Variants in ARHGEF1 observed in about 807,000 individuals in gnomAD.
The protein encoded by ARHGEF1 is Rho guanine nucleotide exchange factor 1.
ARHGEF1 carries 40 observed loss-of-function variants against 119.7 expected under a neutral mutation model. The observed-to-expected ratio is 0.33, with a 90% CI of 0.26 to 0.44. The LOEUF is 0.44. Ranked by LOEUF, ARHGEF1 falls within the 20% of genes least tolerant of loss-of-function variation. The pLI, the probability that ARHGEF1 is intolerant of heterozygous loss-of-function variation, is 1.00. For missense variants in ARHGEF1, 976 were observed against 1,268.3 expected, an observed-to-expected ratio of 0.77 and a Z score of 3.50; for synonymous variants, 494 against 521.0, an observed-to-expected ratio of 0.95 and a Z score of 0.71.
At chr19:41,900,608 A>C (rs1257466255) in intron 14 of ARHGEF1, among the ~76,000 whole-genome samples, 1 of 151,964 alleles carries the variant, frequency 6.6e-6, no homozygotes, top group Non-Finnish European at 1.5e-5. Flanking sequence ...CTTGATGGTT[A>C]GACACTAAAC....
intron 4 of ARHGEF1, 27 bp from the exon 5 acceptor site, chr19:41,891,998 G>A: frequency 6.4e-7 from 1 of 1,568,118 alleles, no homozygotes; most frequent in South Asian, 1.1e-5. Flanking sequence ...TGAGGGAGCG[G>A]AGAGTCATGC....
chr19:41,907,376 C>T lies in ARHGEF1; in HGVS notation c.*289C>T. 1 of 1,535,486 alleles carries T rather than the reference C, an allele frequency of 6.5e-7. No homozygotes were observed. The highest frequency in any genetic ancestry group is 8.7e-7 in the Non-Finnish European group (1 of 1,146,664). On this transcript the variant is annotated 3_prime_UTR_variant, in exon 29 of 29. Coordinates refer to ENST00000354532, the MANE Select transcript of ARHGEF1 (RefSeq NM_004706.4). ...GCCTGTGGGGGCCACCCCTCCACCC[C>T]CACCCCCAAGTGCCTTCGCTCTGTT...
chr19:41,928,543 C>T (rs1016019711), intron 1 of ARHGEF1: 15 of 166,160 alleles, frequency 9.0e-5, no homozygotes, highest in Non-Finnish European at 1.9e-4. Context: ...GCGCCGCGCG[C>T]CTCCCGCCCT....
chr19:41,900,227 G>A (rs937558477), intron 14 of ARHGEF1, among the ~76,000 whole-genome samples: 2 of 152,098 alleles, frequency 1.3e-5, no homozygotes, highest in African/African-American at 4.8e-5. Context: ...CCAGATACTC[G>A]AGAGAGTAAG....
At chr19:41,897,981 G>A (rs1555848243) in intron 13 of ARHGEF1, 22 of 1,324,736 alleles carry the variant, frequency 1.7e-5, no homozygotes, top group Admixed American at 1.1e-4. Context: ...GAGAGCCTGC[G>A]GGTGAGTGAC....
intron 13 of ARHGEF1, chr19:41,896,783 T>C (rs1599647496): frequency 2.0e-6 from 1 of 492,506 alleles, no homozygotes. Flanking sequence ...CCATCTCCTT[T>C]ATTTCCCCCT....
chr19:41,896,867 C>G (rs1474955587), intron 13 of ARHGEF1: 1 of 291,486 alleles, frequency 3.4e-6, no homozygotes, highest in Admixed American at 3.7e-5. Flanking sequence ...TCACCTACCC[C>G]CTCCTCTCAC....
chr19:41,905,546 C>T lies in ARHGEF1; in HGVS notation c.2337-214C>T, dbSNP rs1323822567. The T allele has an allele frequency of 4.8e-6, 3 of 618,986 alleles. No homozygotes were observed. Among genetic ancestry groups the T allele is most frequent in the Non-Finnish European group, 8.5e-6 (3 of 352,792 alleles). The allele number at this position is 618,986 out of a possible 1,614,324, so 38.3% of individuals were successfully genotyped here. A position where few individuals can be genotyped will look rare whatever the true frequency, so the allele number is the denominator to read the frequency against. On this transcript the variant is annotated intron_variant, in intron 24 of 28. Transcript: ENST00000354532. This position sits in a 1 kb window ranked among gnomAD's most constrained non-coding sequence, Gnocchi z 6.4. ...GTGCATGCATGTGTGTGTGTGTGCGCATGTGCCGACCCCACCACTGCCCCG... is the reference window on the plus strand; with the variant it reads ...GTGCATGCATGTGTGTGTGTGTGCGTATGTGCCGACCCCACCACTGCCCCG...
At chr19:41,918,506 A>T (rs1268973240), upstream of ARHGEF1, among the ~76,000 whole-genome samples, 1 of 148,960 alleles carries the variant, frequency 6.7e-6, no homozygotes, top group Non-Finnish European at 1.5e-5. Flanking sequence ...CATCACACAC[A>T]CACCACACAC....
rs2074640174 is a variant in ARHGEF1 at position 41,903,594 on chromosome 19, C to G, written c.1840-113C>G. 2.4e-6 allele frequency: 3 copies of G among 1,249,006 alleles called. No homozygotes were observed. Among genetic ancestry groups the G allele is most frequent in the East Asian group, 2.5e-5 (1 of 40,400 alleles). The allele number at this position is 1,249,006 out of a possible 1,614,324, so 77.4% of individuals were successfully genotyped here. On this transcript the variant is annotated intron_variant, in intron 19 of 28. Coordinates refer to ENST00000354532, the MANE Select transcript of ARHGEF1 (RefSeq NM_004706.4). The surrounding 1 kb of genome is among the most constrained non-coding windows in gnomAD (Gnocchi z 4.2). ...GGGTCATTGGAGGTCAGGCCCAACC[C>G]TCAGCTTGCCCGCATCAGAAGTTGG...
chr19:41,910,904 CA>C (rs2074747934), downstream of ARHGEF1, among the ~76,000 whole-genome samples: 1 of 152,066 alleles, frequency 6.6e-6, no homozygotes, highest in Non-Finnish European at 1.5e-5. The surrounding 1 kb of genome is among the most constrained non-coding windows in gnomAD (Gnocchi z 4.4). Context: ...GTCATCTCAA[CA>C]ACCCCACAGT....
intron 14 of ARHGEF1, among the ~76,000 whole-genome samples, chr19:41,899,505 CTTTTTTTT>C (rs575816890): frequency 2.0e-5 from 2 of 101,768 alleles, no homozygotes; most frequent in Non-Finnish European, 3.8e-5. Context: ...AAAGAGAAAG[CTTTTTTTT>C]TTTTTTTTTT....
chr19:41,894,108 G>A (rs1555846893), intron 8 of ARHGEF1, 99 bp from the exon 9 acceptor site: 2 of 815,594 alleles, frequency 2.5e-6, no homozygotes, highest in African/African-American at 1.8e-5. Context: ...TCTGCCTCTA[G>A]GGGGAGAGAG....
At chr19:41,907,499 A>C, downstream of ARHGEF1, 2 of 1,194,668 alleles carry the variant, frequency 1.7e-6, no homozygotes, top group Non-Finnish European at 2.3e-6. Flanking sequence ...GGCGTCTGGA[A>C]CTCTCTGTGA....
At position 41,888,873 on chromosome 19, in the gene ARHGEF1, C is replaced by T. The variant is rs1278045021; in HGVS notation, c.225+8C>T. On this transcript the variant is annotated splice_region_variant and intron_variant, in intron 4 of 28. Coordinates refer to ENST00000354532, the MANE Select transcript of ARHGEF1 (RefSeq NM_004706.4). This position sits in a 1 kb window ranked among gnomAD's most constrained non-coding sequence, Gnocchi z 5.1. ...TTTGAGCCAGGACCCCTGGTGAGGG[C>T]AGGGCTGGGTGGGCACAGGGAGGGG... 3.1e-6 allele frequency: 5 copies of T among 1,605,702 alleles called. No individual in the cohort carries two copies. Among genetic ancestry groups the T allele is most frequent in the Non-Finnish European group, 4.3e-6 (5 of 1,173,248 alleles).
chr19:41,885,051 C>T (rs920265131), intron 1 of ARHGEF1, among the ~76,000 whole-genome samples: 25 of 152,062 alleles, frequency 1.6e-4, no homozygotes, highest in African/African-American at 5.8e-4. Flanking sequence ...ACCCATGTGG[C>T]CCCCCAACCC....
intron 1 of ARHGEF1, among the ~76,000 whole-genome samples, chr19:41,886,083 A>C (rs556887740): frequency 1.3e-5 from 2 of 152,288 alleles, no homozygotes; most frequent in South Asian, 4.1e-4. Context: ...CTGTAGCCCA[A>C]CTGCCCAGGT....
At chr19:41,914,580 T>C (rs1555851586) in intron 18 of ARHGEF1, among the ~76,000 whole-genome samples, 1 of 30,476 alleles carries the variant, frequency 3.3e-5, no homozygotes, top group Non-Finnish European at 6.5e-5. Context: ...TCTCCGTCTC[T>C]CCCTCCCTTT....
intron 18 of ARHGEF1, chr19:41,912,772 G>C (rs1207479724): frequency 2.4e-6 from 1 of 413,820 alleles, no homozygotes; most frequent in Admixed American, 5.0e-5. Flanking sequence ...GACACGTGGA[G>C]ACACGGAGAG....
Sources: gnomAD v4.1 joint callset for allele counts (sites outside exome capture counted in the v4.1 genomes callset) on GRCh38, gnomAD v4.1.1 for gene constraint, Gnocchi (gnomAD v3.1) non-coding constraint, MANE v1.5 for transcripts, NCBI Gene and HGNC (gene_info 2026-07-23, HGNC 2026-07-21) for gene names.